The following FMNL2 variants were observed in gnomAD, a reference collection of about 807,000 sequenced individuals.
FMNL2 encodes the protein formin like 2.
In FMNL2, 51 loss-of-function variants were observed where a neutral mutation model predicts 130.2. The ratio of observed to expected loss-of-function variants is 0.39; its 90% CI spans 0.31 to 0.49. FMNL2 has a LOEUF of 0.49. Ranked by LOEUF, FMNL2 falls within the 20% of genes least tolerant of loss-of-function variation. The pLI is 0.85. For synonymous variants in FMNL2, 465 were observed against 467.1 expected (o/e 1.00, Z 0.06); for missense variants, 977 against 1,316.2 (o/e 0.74, Z 3.99).
At chr2:152,355,121 T>C (rs761674687) in intron 1 of FMNL2, among the ~76,000 whole-genome samples, 2 of 152,184 alleles carry the variant, frequency 1.3e-5, no homozygotes, top group Non-Finnish European at 2.9e-5. Context: ...TTTTGGAGTA[T>C]TCCTTTTGAC....
At chr2:152,563,088 G>A (rs1038079882) in intron 6 of FMNL2, among the ~76,000 whole-genome samples, 5 of 152,154 alleles carry the variant, frequency 3.3e-5, no homozygotes, top group South Asian at 2.1e-4. Flanking sequence ...GCTGGAGGTC[G>A]AGGGACATCC....
At chr2:152,615,028 T>G in intron 12 of FMNL2, 28 bp downstream of exon 12, 1 of 1,603,292 alleles carries the variant, frequency 6.2e-7, no homozygotes, top group South Asian at 1.1e-5. Context: ...AAGGAAAAAT[T>G]GCTTACATTT....
At chr2:152,415,870 A>C (rs535128957) in intron 1 of FMNL2, among the ~76,000 whole-genome samples, 2 of 152,354 alleles carry the variant, frequency 1.3e-5, no homozygotes, top group East Asian at 3.9e-4. Context: ...AATATTTACC[A>C]TAGCTGCTTC....
Position 152,558,794 on chromosome 2 carries a change from A to G in FMNL2, c.414A>G (p.Glu138=), listed in dbSNP as rs1347380563. The G allele has an allele frequency of 7.4e-6, 12 of 1,613,426 alleles. No individual in the cohort carries two copies. ...ACAAAGGTCTTGATGTTCTAGTGGA[A>G]TATCTCTCATTTGCACAGTACGCGG... is the stretch of plus-strand genomic sequence containing the variant. ...EENKGLDVLV[E]YLSFAQYAVT... is the part of the protein sequence containing the mutation. The change falls in exon 5 of 26, where the codon GAA becomes GAG. Residue 138 remains glutamate, a synonymous_variant. Transcript: ENST00000288670.
chr2:152,415,040 A>G (rs896051545), intron 1 of FMNL2, among the ~76,000 whole-genome samples: 1 of 152,188 alleles, frequency 6.6e-6, no homozygotes, highest in African/African-American at 2.4e-5. Flanking sequence ...AGTACAAAGT[A>G]TCTTTCCACA....
chr2:152,648,798 A>AT lies in FMNL2; in HGVS notation c.*899dup, dbSNP rs1255476421. On this transcript the variant is annotated 3_prime_UTR_variant, in exon 26 of 26. Transcript: ENST00000288670. Reference sequence around the variant, plus strand: ...GCCTTACTCTCCTCTGACAATCGCAATTTTTTCTTATTTTTTATAAATTCA... The same window carrying AT: ...GCCTTACTCTCCTCTGACAATCGCAATTTTTTTCTTATTTTTTATAAATTCA... The AT allele has an allele frequency of 6.6e-6, 1 of 152,516 alleles. No individual in the cohort carries two copies. Among genetic ancestry groups the AT allele is most frequent in the African/African-American group, 2.4e-5 (1 of 41,408 alleles). The allele number at this position is 152,516 out of a possible 1,614,324, so 9.4% of individuals were successfully genotyped here.
intron 1 of FMNL2, among the ~76,000 whole-genome samples, chr2:152,518,507 T>C (rs1346325167): frequency 1.3e-5 from 2 of 152,214 alleles, no homozygotes; most frequent in African/African-American, 4.8e-5. Context: ...ACTTGAGTGC[T>C]CTCTTGGTTA....
At chr2:152,618,320 G>T (rs988594318) in intron 13 of FMNL2, among the ~76,000 whole-genome samples, 1 of 152,222 alleles carries the variant, frequency 6.6e-6, no homozygotes, top group African/African-American at 2.4e-5. Context: ...GGTCAAGGGG[G>T]CGTTGTGAGG....
At chr2:152,489,788 T>C (rs1469181689) in intron 1 of FMNL2, among the ~76,000 whole-genome samples, 1 of 152,168 alleles carries the variant, frequency 6.6e-6, no homozygotes, top group Non-Finnish European at 1.5e-5. Context: ...CTAAGAAAAA[T>C]TCATCTTGAG....
intron 1 of FMNL2, among the ~76,000 whole-genome samples, chr2:152,455,485 A>G (rs1326537259): frequency 6.6e-6 from 1 of 152,176 alleles, no homozygotes; most frequent in African/African-American, 2.4e-5. Context: ...CTGATGCTCT[A>G]AAGGAGCATT....
At chr2:152,598,631 A>G (rs1267157762) in intron 9 of FMNL2, among the ~76,000 whole-genome samples, 2 of 152,184 alleles carry the variant, frequency 1.3e-5, no homozygotes, top group African/African-American at 4.8e-5. Flanking sequence ...TAGAGATTGC[A>G]ATGAGCCAAG....
intron 1 of FMNL2, among the ~76,000 whole-genome samples, chr2:152,379,852 G>A (rs1014272862): frequency 1.3e-5 from 2 of 152,194 alleles, no homozygotes; most frequent in Non-Finnish European, 2.9e-5. Context: ...GTTTCTATGA[G>A]ACTGATTTCT....
At chr2:152,438,492 A>T (rs919280542) in intron 1 of FMNL2, among the ~76,000 whole-genome samples, 2 of 152,250 alleles carry the variant, frequency 1.3e-5, no homozygotes, top group African/African-American at 4.8e-5. Context: ...CAGTGTTGTT[A>T]CGTCTTCAGA....
At position 152,385,235 on chromosome 2, in the gene FMNL2, C is replaced by G. The variant is rs1684714681; in HGVS notation, c.117+49515C>G. 2.0e-5 allele frequency among the ~76,000 whole-genome samples: 3 copies of G among 152,176 alleles called. No individual in the cohort carries two copies. In the South Asian group the frequency reaches 6.2e-4, roughly 32 times the overall value. On this transcript the variant is annotated intron_variant, in intron 1 of 25. Coordinates refer to ENST00000288670, the MANE Select transcript of FMNL2 (RefSeq NM_052905.4). ...GCCCAAGAATGCAGCAGCATCGAAA[C>G]TGGGGATGAAGTGATTTGTTCTTGA...
intron 1 of FMNL2, among the ~76,000 whole-genome samples, chr2:152,399,347 G>A (rs1015827297): frequency 3.3e-5 from 5 of 152,200 alleles, no homozygotes; most frequent in African/African-American, 4.8e-5. Flanking sequence ...TTGAAAGGGG[G>A]AAGCCTAGAG....
chr2:152,393,889 T>G (rs911823442), intron 1 of FMNL2, among the ~76,000 whole-genome samples: 1 of 152,194 alleles, frequency 6.6e-6, no homozygotes, highest in Non-Finnish European at 1.5e-5. Flanking sequence ...ATATGGACGC[T>G]GAGATGTGAG....
intron 1 of FMNL2, among the ~76,000 whole-genome samples, chr2:152,395,989 C>T (rs1166515705): frequency 2.6e-5 from 4 of 152,226 alleles, no homozygotes; most frequent in African/African-American, 9.6e-5. Context: ...TGTCTTTCGA[C>T]AGAGTCAGAA....
chr2:152,512,431 T>C (rs1692538820), intron 1 of FMNL2, among the ~76,000 whole-genome samples: 1 of 151,856 alleles, frequency 6.6e-6, no homozygotes. Flanking sequence ...ATATGGGGAG[T>C]AGTAGGAAGA....
chr2:152,520,698 C>T (rs184190046), intron 1 of FMNL2, among the ~76,000 whole-genome samples: 18 of 152,150 alleles, frequency 1.2e-4, no homozygotes, highest in African/African-American at 3.4e-4. Context: ...GCATACCAAT[C>T]TAGATGTTAG....
Sources: gnomAD v4.1 joint callset for allele counts (sites outside exome capture counted in the v4.1 genomes callset) on GRCh38, gnomAD v4.1.1 for gene constraint, MANE v1.5 for transcripts, NCBI Gene and HGNC (gene_info 2026-07-23, HGNC 2026-07-21) for gene names.